PRORP: variants seen among roughly 807,000 people sequenced by gnomAD.
The protein encoded by PRORP is protein only RNase P catalytic subunit.
PRORP carries 51 observed loss-of-function variants against 59.4 expected under a neutral mutation model. The ratio of observed to expected loss-of-function variants is 0.86; its 90% CI spans 0.69 to 1.08. The LOEUF is 1.08. PRORP is among the 50% of genes least tolerant of loss of function. The pLI, the probability that PRORP is intolerant of heterozygous loss-of-function variation, is 0.00. For missense variants in PRORP, 646 were observed against 690.3 expected (o/e 0.94, Z 0.72); for synonymous variants, 231 against 245.6 (o/e 0.94, Z 0.55).
chr14:35,161,238 T>G (rs899029933), intron 4 of PRORP, among the ~76,000 whole-genome samples: 1 of 152,224 alleles, frequency 6.6e-6, no homozygotes, highest in African/African-American at 2.4e-5. Context: ...AGTATAGACT[T>G]TTTACAGTCA....
At chr14:35,197,197 C>T (rs2049029854) in intron 5 of PRORP, among the ~76,000 whole-genome samples, 1 of 152,058 alleles carries the variant, frequency 6.6e-6, no homozygotes, top group Non-Finnish European at 1.5e-5. Context: ...GTGTGATAAC[C>T]ATTTAGGGTG....
At chr14:35,171,597 T>G (rs1363702721) in intron 4 of PRORP, among the ~76,000 whole-genome samples, 1 of 152,188 alleles carries the variant, frequency 6.6e-6, no homozygotes, top group African/African-American at 2.4e-5. Flanking sequence ...TTTTCATCAG[T>G]TTTACTATGA....
intron 4 of PRORP, among the ~76,000 whole-genome samples, chr14:35,154,255 C>CACTG (rs2047855336): frequency 6.6e-6 from 1 of 152,162 alleles, no homozygotes; most frequent in East Asian, 1.9e-4. Flanking sequence ...AGTGCAGAGT[C>CACTG]TGTATGTAGC....
intron 5 of PRORP, among the ~76,000 whole-genome samples, chr14:35,261,593 G>T (rs61988267): frequency 0.13 from 19,175 of 152,116 alleles, 1,413 homozygotes; most frequent in Middle Eastern, 0.22. Flanking sequence ...GCTGGGCGTT[G>T]TGGCGGGTGC....
upstream of PRORP, chr14:35,122,281 G>A (rs1284401122): frequency 1.4e-5 from 5 of 346,546 alleles, no homozygotes; most frequent in Non-Finnish European, 2.8e-5. Flanking sequence ...TGCCTTTGGC[G>A]CGTGCGCACC....
At chr14:35,270,669 T>G in intron 7 of PRORP, 73 bp downstream of exon 7, 2 of 1,344,978 alleles carry the variant, frequency 1.5e-6, no homozygotes, top group South Asian at 2.5e-5. Flanking sequence ...AGAAAAAGAG[T>G]GTCACAACTA....
chr14:35,150,015 G>T (rs999399583), intron 4 of PRORP, among the ~76,000 whole-genome samples: 3 of 152,012 alleles, frequency 2.0e-5, no homozygotes, highest in Non-Finnish European at 4.4e-5. Flanking sequence ...TCACCACACC[G>T]GCTAATTTTT....
intron 5 of PRORP, among the ~76,000 whole-genome samples, chr14:35,225,151 T>C (rs933499861): frequency 2.0e-5 from 3 of 152,194 alleles, no homozygotes; most frequent in African/African-American, 4.8e-5. Flanking sequence ...AGAGGAACTT[T>C]ATTATAGTTA....
chr14:35,173,301 A>G (rs568846571), intron 4 of PRORP, among the ~76,000 whole-genome samples: 7 of 152,284 alleles, frequency 4.6e-5, no homozygotes, highest in South Asian at 2.1e-4. Flanking sequence ...GAGATTATCT[A>G]TGTTTGTCTA....
chr14:35,233,096 C>T lies in PRORP; in HGVS notation c.1276-33631C>T, dbSNP rs55851011. Among the ~76,000 whole-genome samples the T allele has an allele frequency of 2.4e-3, 330 of 137,246 alleles. 19 individuals are homozygous for T. The highest frequency in any genetic ancestry group is 8.7e-3 in the African/African-American group (319 of 36,788). The allele number at this position is 137,246 out of a possible 152,430, so 90.0% of individuals were successfully genotyped here. A position where few individuals can be genotyped will look rare whatever the true frequency, so the allele number is the denominator to read the frequency against. ...CTTCTGTGCTCTCAAACTTCAGTTT[C>T]CCCTTTTCTTTTCATTCGTCAACCC... On this transcript the variant is annotated intron_variant, in intron 5 of 7. Coordinates refer to ENST00000534898, the MANE Select transcript of PRORP (RefSeq NM_014672.4).
chr14:35,142,826 A>G (rs1365163798), intron 4 of PRORP, among the ~76,000 whole-genome samples: 1 of 141,752 alleles, frequency 7.1e-6, no homozygotes, highest in African/African-American at 2.5e-5. Context: ...AGCCTAGGTG[A>G]CAGAGTGAGA....
At chr14:35,181,195 T>C (rs569878725) in intron 5 of PRORP, among the ~76,000 whole-genome samples, 1 of 152,344 alleles carries the variant, frequency 6.6e-6, no homozygotes, top group East Asian at 1.9e-4. Context: ...TTTCCAAACA[T>C]AGTATGTTCA....
At chr14:35,183,714 G>A (rs1427345958) in intron 5 of PRORP, among the ~76,000 whole-genome samples, 3 of 152,070 alleles carry the variant, frequency 2.0e-5, no homozygotes, top group Non-Finnish European at 4.4e-5. Context: ...GTATAATGGT[G>A]CCTAAATATA....
At chr14:35,181,393 C>A (rs1344141283) in intron 5 of PRORP, among the ~76,000 whole-genome samples, 1 of 152,088 alleles carries the variant, frequency 6.6e-6, no homozygotes, top group African/African-American at 2.4e-5. Flanking sequence ...GTCATAACAT[C>A]AAAATTAGAT....
chr14:35,168,250 A>G (rs1168496042), intron 4 of PRORP, among the ~76,000 whole-genome samples: 1 of 152,160 alleles, frequency 6.6e-6, no homozygotes, highest in Non-Finnish European at 1.5e-5. Flanking sequence ...TGGAAATTCC[A>G]GTTGCTCCAC....
intron 4 of PRORP, among the ~76,000 whole-genome samples, chr14:35,149,932 C>T (rs1186811471): frequency 6.6e-6 from 1 of 152,160 alleles, no homozygotes; most frequent in Non-Finnish European, 1.5e-5. Flanking sequence ...TCACTGCAAC[C>T]TCTGCCTCCC....
intron 5 of PRORP, among the ~76,000 whole-genome samples, chr14:35,212,953 C>T (rs1420639681): frequency 2.6e-5 from 4 of 152,180 alleles, no homozygotes; most frequent in Non-Finnish European, 5.9e-5. Flanking sequence ...GCTAGGTCTT[C>T]GGAATAACTC....
intron 5 of PRORP, among the ~76,000 whole-genome samples, chr14:35,190,296 G>C (rs1339001733): frequency 3.3e-5 from 5 of 151,564 alleles, no homozygotes. Context: ...TACTCGGGAG[G>C]CTGAGGCAGG....
intron 7 of PRORP, 64 bp from the exon 8 acceptor site, chr14:35,273,369 AAG>A: frequency 6.8e-7 from 1 of 1,476,122 alleles, no homozygotes; most frequent in Non-Finnish European, 9.0e-7. Flanking sequence ...AAGTGTCAGA[AAG>A]AGAAATGGCC....
Sources: gnomAD v4.1 joint callset for allele counts (sites outside exome capture counted in the v4.1 genomes callset) on GRCh38, gnomAD v4.1.1 for gene constraint, MANE v1.5 for transcripts, NCBI Gene and HGNC (gene_info 2026-07-23, HGNC 2026-07-21) for gene names.